Variants in SPATA18 observed in about 807,000 individuals in gnomAD.
SPATA18 encodes spermatogenesis associated 18, also known as mitochondria-eating protein.
A neutral mutation model predicts 68.1 loss-of-function variants in SPATA18; 54 were observed. The ratio of observed to expected loss-of-function variants is 0.79; its 90% CI spans 0.64 to 0.99. The LOEUF is 0.99. SPATA18 is among the 50% of genes least tolerant of loss of function. The probability of loss-of-function intolerance (pLI) is 0.00; values close to 1 mark genes in which losing one functional copy is unlikely to be tolerated. For missense variants in SPATA18, 724 were observed against 681.1 expected, an observed-to-expected ratio of 1.06 and a Z score of -0.70; for synonymous variants, 242 against 244.8, an observed-to-expected ratio of 0.99 and a Z score of 0.11.
intron 1 of SPATA18, among the ~76,000 whole-genome samples, chr4:52,055,195 C>A (rs182172727): frequency 5.3e-5 from 8 of 152,264 alleles, no homozygotes; most frequent in Non-Finnish European, 1.0e-4. Context: ...ATATTTTATT[C>A]TTTTCTATTA....
chr4:52,071,772 A>G (rs992304537), intron 5 of SPATA18, 145 bp from the exon 6 acceptor site: 1 of 805,084 alleles, frequency 1.2e-6, no homozygotes, highest in African/African-American at 1.7e-5. Context: ...GTGTATTTCC[A>G]TCAGAGTTTC....
intron 11 of SPATA18, among the ~76,000 whole-genome samples, chr4:52,088,835 TG>T (rs1741681340): frequency 6.6e-6 from 1 of 152,236 alleles, no homozygotes; most frequent in Non-Finnish European, 1.5e-5. Context: ...TTCTATTGTT[TG>T]GAATAGTTTC....
chr4:52,085,690 T>A (rs36071645), intron 11 of SPATA18, among the ~76,000 whole-genome samples: 19,610 of 151,802 alleles, frequency 0.13, 1,486 homozygotes, highest in South Asian at 0.28. Flanking sequence ...TGGGGAAACA[T>A]TGTCCCTATA....
chr4:52,083,322 G>T lies in SPATA18; in HGVS notation c.1479+812G>T, dbSNP rs1056113366. On this transcript the variant is annotated intron_variant, in intron 10 of 12. Coordinates refer to ENST00000295213, the MANE Select transcript of SPATA18 (RefSeq NM_145263.4). Reference sequence around the variant, plus strand: ...CTCCTTGAACTGAAGAATAGGGGAAGTGTTTTATGGCAGCTTTCACACATA... The same window carrying T: ...CTCCTTGAACTGAAGAATAGGGGAATTGTTTTATGGCAGCTTTCACACATA... The T allele has an allele frequency of 4.1e-6, 4 of 985,296 alleles. No homozygotes were observed. The Admixed American group carries it at 2.5e-4, about 61-fold the overall frequency. The allele number at this position is 985,296 out of a possible 1,614,324, so 61.0% of individuals were successfully genotyped here.
In SPATA18 at chr4:52,070,952, G is replaced by T. The variant is rs552424190; in HGVS notation, c.519-965G>T. Among the ~76,000 whole-genome samples, 7 of 151,766 alleles carry T rather than the reference G, an allele frequency of 4.6e-5. No individual in the cohort carries two copies. The South Asian group carries it at 1.5e-3, about 32-fold the overall frequency. ...GATTATCTTCGCATGTGTTCCAATG[G>T]TTCTGATTTGGTCAGGAACACCCAC... On this transcript the variant is annotated intron_variant, in intron 5 of 12. Coordinates refer to ENST00000295213, the MANE Select transcript of SPATA18 (RefSeq NM_145263.4).
At chr4:52,069,595 A>T (rs1560591266) in intron 4 of SPATA18, among the ~76,000 whole-genome samples, 1 of 152,176 alleles carries the variant, frequency 6.6e-6, no homozygotes, top group Non-Finnish European at 1.5e-5. Context: ...GTAGCTCTAT[A>T]ATTTCCTAGT....
Position 52,054,678 on chromosome 4 carries a change from G to A in SPATA18, c.87+2887G>A, listed in dbSNP as rs761474501. ...ACTTAGTGTACAGCCTCTGTGGACC[G>A]GCCAGAACCAGCCTATGGTCCGTGA... is the stretch of plus-strand genomic sequence containing the variant. On this transcript the variant is annotated intron_variant, in intron 1 of 12. Transcript: ENST00000295213. 1.4e-4 allele frequency among the ~76,000 whole-genome samples: 22 copies of A among 151,880 alleles called. 1 individual carries two copies. The highest frequency in any genetic ancestry group is 1.1e-3 in the Admixed American group (17 of 15,230).
At chr4:52,065,977 C>A (rs966558325) in intron 4 of SPATA18, among the ~76,000 whole-genome samples, 1 of 152,052 alleles carries the variant, frequency 6.6e-6, no homozygotes, top group Non-Finnish European at 1.5e-5. Flanking sequence ...TCACACTTGC[C>A]CCTTTCTTTC....
At chr4:52,054,492 T>C (rs1738162551) in intron 1 of SPATA18, among the ~76,000 whole-genome samples, 1 of 152,166 alleles carries the variant, frequency 6.6e-6, no homozygotes, top group Admixed American at 6.6e-5. Context: ...CATGTATACA[T>C]ATTCAACAGG....
In SPATA18 at chr4:52,051,729, G is replaced by A. The variant is rs763786265; in HGVS notation, c.25G>A (p.Val9Ile). ...GATGGCGGAAAACCTGAAAAGACTG[G>A]TCTCAAACGAAACTTTACGAACGTT... MAENLKRL[V>I]SNETLRTLQE... Residue 9 changes from valine (V) to isoleucine (I), a missense_variant, in exon 1 of 13, where the codon GTC becomes ATC. Transcript: ENST00000295213. 1.2e-6 allele frequency: 2 copies of A among 1,614,138 alleles called. No homozygotes were observed. The highest frequency in any genetic ancestry group is 1.7e-6 in the Non-Finnish European group (2 of 1,180,052).
intron 8 of SPATA18, 132 bp from the exon 9 acceptor site, chr4:52,079,612 C>T (rs1740738826): frequency 1.0e-6 from 1 of 1,005,008 alleles, no homozygotes; most frequent in Admixed American, 2.3e-5. Flanking sequence ...AGCACATTCA[C>T]TGTTTTTCTG....
Position 52,062,302 on chromosome 4 carries a change from C to T in SPATA18, c.392C>T (p.Thr131Ile), listed in dbSNP as rs928317034. The T allele has an allele frequency of 1.2e-6, 2 of 1,608,706 alleles. No individual in the cohort carries two copies. The highest frequency in any genetic ancestry group is 1.7e-6 in the Non-Finnish European group (2 of 1,177,138). ...MQQLDSNLNS[T>I]RSQCNQVQDD... ...CAGTTAGACTCTAATTTGAACTCAA[C>T]CCGGAGTCAATGCAACCAGGTTCAA... is the stretch of plus-strand genomic sequence containing the variant. The change falls in exon 4 of 13, where the codon ACC (threonine) becomes ATC (isoleucine). Residue 131 changes from threonine (T) to isoleucine (I), a missense_variant. By Grantham distance (89) the Thr-to-Ile change is moderately conservative. Coordinates refer to ENST00000295213, the MANE Select transcript of SPATA18 (RefSeq NM_145263.4).
intron 4 of SPATA18, among the ~76,000 whole-genome samples, chr4:52,064,624 T>A (rs1240277701): frequency 1.3e-5 from 2 of 152,240 alleles, no homozygotes; most frequent in Non-Finnish European, 2.9e-5. Flanking sequence ...ATTGTATGGC[T>A]GAGCAGTATT....
In SPATA18 at chr4:52,072,115, G is replaced by C. The variant is rs1051926894; in HGVS notation, c.717G>C (p.Glu239Asp). The change falls in exon 6 of 13, where the codon GAG (glutamate) becomes GAC (aspartate). Residue 239 changes from glutamate (E) to aspartate (D), a missense_variant. Glu to Asp is a conservative substitution (Grantham distance 45, BLOSUM62 2). Coordinates refer to ENST00000295213, the MANE Select transcript of SPATA18 (RefSeq NM_145263.4). ...AACAGCTCCGAAACCTGAAGGAGGA[G>C]ATAGCTGTTCTGTCTGCTGAGAAAA... ...YKKQLRNLKE[E>D]IAVLSAEKSA... is the part of the protein sequence containing the mutation. 7 of 1,613,978 alleles carry C rather than the reference G, an allele frequency of 4.3e-6. No homozygotes were observed. Among genetic ancestry groups the C allele is most frequent in the Admixed American group, 3.3e-5 (2 of 59,988 alleles).
chr4:52,086,579 T>C (rs569473385), intron 11 of SPATA18, among the ~76,000 whole-genome samples: 7 of 152,346 alleles, frequency 4.6e-5, no homozygotes, highest in African/African-American at 1.7e-4. Flanking sequence ...TCAATGTCCC[T>C]GCAAAGGACA....
intron 11 of SPATA18, among the ~76,000 whole-genome samples, chr4:52,090,709 GC>G (rs1297236467): frequency 2.0e-5 from 3 of 152,150 alleles, no homozygotes; most frequent in Non-Finnish European, 2.9e-5. Flanking sequence ...CTCTTTGGCT[GC>G]CCTTGGCATT....
At chr4:52,094,806 C>G (rs1242220707) in intron 12 of SPATA18, 74 bp from the exon 13 acceptor site, 2 of 1,588,698 alleles carry the variant, frequency 1.3e-6, no homozygotes, top group South Asian at 1.1e-5. Context: ...TTAACCGCCT[C>G]TTTCATTTAG....
intron 1 of SPATA18, among the ~76,000 whole-genome samples, chr4:52,054,328 G>A (rs559250166): frequency 1.3e-5 from 2 of 152,274 alleles, no homozygotes; most frequent in Non-Finnish European, 2.9e-5. Flanking sequence ...TGATATTTGA[G>A]TGAGATAGTA....
rs750758188 is a variant in SPATA18 at position 52,062,175 on chromosome 4, G to A, written c.310-45G>A. 3 of 1,179,144 alleles carry A rather than the reference G, an allele frequency of 2.5e-6. No homozygotes were observed. In the Admixed American group the frequency reaches 7.0e-5, roughly 27 times the overall value. 73.0% of individuals were successfully genotyped at this position (1,179,144 alleles called of 1,614,324 possible). A position where few individuals can be genotyped will look rare whatever the true frequency, so the allele number is the denominator to read the frequency against. Reference sequence around the variant, plus strand: ...TAAAAATTCATCCATGTCATTTAATGTATTCAGACTGTTTTTTTTTTTTTT... The same window carrying A: ...TAAAAATTCATCCATGTCATTTAATATATTCAGACTGTTTTTTTTTTTTTT... On this transcript the variant is annotated intron_variant, in intron 3 of 12. Coordinates refer to ENST00000295213, the MANE Select transcript of SPATA18 (RefSeq NM_145263.4).
Sources: gnomAD v4.1 joint callset for allele counts (sites outside exome capture counted in the v4.1 genomes callset) on GRCh38, gnomAD v4.1.1 for gene constraint, MANE v1.5 for transcripts, NCBI Gene and HGNC (gene_info 2026-07-23, HGNC 2026-07-21) for gene names.